The following SLC4A2 variants were observed in gnomAD, a reference collection of about 807,000 sequenced individuals.
SLC4A2 encodes the protein anion exchange protein 2.
In SLC4A2, 36 loss-of-function variants were observed where a neutral mutation model predicts 115.0. The ratio of observed to expected loss-of-function variants is 0.31; its 90% CI spans 0.24 to 0.41. The LOEUF (loss-of-function observed/expected upper bound fraction) is 0.41, where lower values mean the gene tolerates loss of function less well. SLC4A2 is among the 10% of genes least tolerant of loss of function. SLC4A2 has a pLI of 1.00. For synonymous variants in SLC4A2, 708 were observed against 708.3 expected (o/e 1.00, Z 0.01); for missense variants, 1,252 against 1,705.6 (o/e 0.73, Z 4.68).
intron 8 of SLC4A2, among the ~76,000 whole-genome samples, chr7:151,069,104 G>A (rs1047199594): frequency 2.4e-5 from 3 of 124,102 alleles, no homozygotes; most frequent in Non-Finnish European, 3.2e-5. Flanking sequence ...ATGCCATTGC[G>A]CTCCAGCCTG....
At chr7:151,070,664 G>T in intron 11 of SLC4A2, 63 bp from the exon 12 acceptor site, 1 of 1,604,398 alleles carries the variant, frequency 6.2e-7, no homozygotes, top group African/African-American at 1.3e-5. Context: ...TGCCACCCTG[G>T]GCGAGGGACT....
chr7:151,062,254 G>T (rs1039358366), intron 2 of SLC4A2, among the ~76,000 whole-genome samples: 1 of 152,192 alleles, frequency 6.6e-6, no homozygotes, highest in African/African-American at 2.4e-5. Flanking sequence ...GGGAGTTGAG[G>T]CTGTTACCTG....
rs1797160136 is a variant in SLC4A2 at position 151,064,492 on chromosome 7, G to C, written c.218-34G>C. 1.9e-6 allele frequency: 3 copies of C among 1,593,314 alleles called. No homozygotes were observed. In the African/African-American group the frequency reaches 4.0e-5, roughly 21 times the overall value. On this transcript the variant is annotated intron_variant, in intron 3 of 22. Transcript: ENST00000413384. ...CAGGATGGCAGGGGAGGGACACTGT[G>C]CCTGCCACAGCCAAGTCCCCCTCCT...
In SLC4A2 at chr7:151,075,021, A is replaced by C. The variant is rs35546983; in HGVS notation, c.3047+180A>C. 2,036 of 878,320 alleles carry C rather than the reference A, an allele frequency of 2.3e-3. 27 individuals are homozygous for C. The African/African-American group carries it at 0.027, about 12-fold the overall frequency. 54.4% of individuals were successfully genotyped at this position (878,320 alleles called of 1,614,324 possible). On this transcript the variant is annotated intron_variant, in intron 19 of 22. Coordinates refer to ENST00000413384, the MANE Select transcript of SLC4A2 (RefSeq NM_003040.4). ...AAACCCCGATGTTTGCTGGGACAGG[A>C]ACAGCACGTGGAGGGGCAGGCCACC...
At chr7:151,064,799 G>GC in intron 4 of SLC4A2, 32 bp downstream of exon 4, 1 of 1,608,602 alleles carries the variant, frequency 6.2e-7, no homozygotes, top group Non-Finnish European at 8.5e-7. Context: ...AGGGCATGTC[G>GC]GCAGGGCCCT....
intron 2 of SLC4A2, chr7:151,062,866 C>T (rs868256118): frequency 4.3e-6 from 6 of 1,384,368 alleles, no homozygotes; most frequent in East Asian, 2.9e-5. Flanking sequence ...TTCTGCCAGT[C>T]CCAGCTGCTC....
At chr7:151,067,025 A>G (rs762528149) in intron 7 of SLC4A2, 32 bp downstream of exon 7, 6 of 1,549,582 alleles carry the variant, frequency 3.9e-6, no homozygotes, top group Non-Finnish European at 5.2e-6. Flanking sequence ...TCTTCCATCA[A>G]CTTCCCACAC....
At position 151,075,246 on chromosome 7, in the gene SLC4A2, C is replaced by G. The variant is rs35662595; in HGVS notation, c.3048-9C>G. ...GCCTGGGCCTCAGCAGCACCCCTCC[C>G]GCTCTCAGGCTCATCATCTCCAAGA... On this transcript the variant is annotated splice_polypyrimidine_tract_variant and intron_variant, in intron 19 of 22. Coordinates refer to ENST00000413384, the MANE Select transcript of SLC4A2 (RefSeq NM_003040.4). 2.5e-6 allele frequency: 4 copies of G among 1,612,084 alleles called. No individual in the cohort carries two copies. Among genetic ancestry groups the G allele is most frequent in the Non-Finnish European group, 3.4e-6 (4 of 1,179,904 alleles).
At chr7:151,076,229 T>C (rs1157632867) in intron 22 of SLC4A2, 43 bp downstream of exon 22, 2 of 1,604,476 alleles carry the variant, frequency 1.2e-6, no homozygotes, top group Non-Finnish European at 1.7e-6. Context: ...CTTGCCTCCC[T>C]GTGGATCTGG....
chr7:151,063,244 C>A, intron 2 of SLC4A2: 1 of 201,540 alleles, frequency 5.0e-6, no homozygotes, highest in Non-Finnish European at 7.7e-6. Context: ...GCCCAGGGCT[C>A]GGGCCGGGGG....
Position 151,075,261 on chromosome 7 carries a change from C to T in SLC4A2, c.3054C>T (p.Ile1018=), listed in dbSNP as rs756393265. The T allele has an allele frequency of 6.2e-7, 1 of 1,612,958 alleles. No homozygotes were observed. The highest frequency in any genetic ancestry group is 2.2e-5 in the East Asian group (1 of 44,870). ...GCACCCCTCCCGCTCTCAGGCTCAT[C>T]ATCTCCAAGAAGGAGCGCATGCTGC... ...IFMETQITTL[I]ISKKERMLQK... is the part of the protein sequence containing the mutation. Residue 1018 remains isoleucine (I), a synonymous_variant, in exon 20 of 23, where the codon ATC becomes ATT. Coordinates refer to ENST00000413384, the MANE Select transcript of SLC4A2 (RefSeq NM_003040.4).
In SLC4A2 at chr7:151,069,966, G is replaced by C. The variant is rs1325559003; in HGVS notation, c.1167G>C (p.Leu389=). ...TLAHGAVLLD[L]DQQTLPGVAH... ...TGCTAGGGGCTGTGCTCTTGGATCT[G>C]GACCAGCAGACCCTGCCCGGAGTGG... is the stretch of plus-strand genomic sequence containing the variant. Residue 389 remains leucine, a synonymous_variant, in exon 9 of 23, where the codon CTG becomes CTC. Transcript: ENST00000413384. The C allele has an allele frequency of 6.2e-7, 1 of 1,614,020 alleles. No homozygotes were observed. Among genetic ancestry groups the C allele is most frequent in the East Asian group, 2.2e-5 (1 of 44,886 alleles).
chr7:151,062,576 C>A, intron 2 of SLC4A2: 6 of 1,462,046 alleles, frequency 4.1e-6, no homozygotes, highest in Non-Finnish European at 5.4e-6. Context: ...CAGAGGGGCA[C>A]GTGACTGGGA....
chr7:151,076,410 A>G lies in SLC4A2; in HGVS notation c.*43A>G, dbSNP rs1026000101. 5 of 1,423,278 alleles carry G rather than the reference A, an allele frequency of 3.5e-6. No homozygotes were observed. Among genetic ancestry groups the G allele is most frequent in the African/African-American group, 2.9e-5 (2 of 68,708 alleles). 88.2% of individuals were successfully genotyped at this position (1,423,278 alleles called of 1,614,324 possible). A position where few individuals can be genotyped will look rare whatever the true frequency, so the allele number is the denominator to read the frequency against. Reference sequence around the variant, plus strand: ...CCGAGGGACCGATGGACGAGGGGACAGGCTGGTGGGATGGGGTTCCCCCTC... The same window carrying G: ...CCGAGGGACCGATGGACGAGGGGACGGGCTGGTGGGATGGGGTTCCCCCTC... On this transcript the variant is annotated 3_prime_UTR_variant, in exon 23 of 23. Coordinates refer to ENST00000413384, the MANE Select transcript of SLC4A2 (RefSeq NM_003040.4).
In SLC4A2 at chr7:151,060,963, C is replaced by G. The variant is rs943371942; in HGVS notation, c.-63-962C>G. On this transcript the variant is annotated intron_variant, in intron 1 of 22. Transcript: ENST00000413384. This position sits in a 1 kb window ranked among gnomAD's most constrained non-coding sequence, Gnocchi z 5.9. ...ACTTTTTGCCAGTCTTGGGTGCCCC[C>G]TGTGCTGACCCGCTAGGAATGCGCC... Among the ~76,000 whole-genome samples the G allele has an allele frequency of 2.6e-5, 4 of 152,116 alleles. No individual in the cohort carries two copies. The highest frequency in any genetic ancestry group is 9.7e-5 in the African/African-American group (4 of 41,412).
intron 2 of SLC4A2, chr7:151,063,330 T>G: frequency 1.5e-6 from 1 of 662,940 alleles, no homozygotes; most frequent in Non-Finnish European, 2.3e-6. Flanking sequence ...TTTGTTTGAC[T>G]CGGACAGGCT....
rs1797409945 is a variant in SLC4A2 at position 151,070,791 on chromosome 7, G to A, written c.1629G>A (p.Leu543=). The change falls in exon 12 of 23, where the codon TTG becomes TTA. Residue 543 remains leucine, a synonymous_variant. Transcript: ENST00000413384. The stretch of plus-strand genomic sequence containing the variant: ...TGCGGCTCCGGGAGGCTGTGGAGTT[G>A]GACGCAGTGTTGGAGGTGCCGGTGC... The part of the protein sequence containing the change: ...AFVRLREAVE[L]DAVLEVPVPV... The A allele has an allele frequency of 6.2e-7, 1 of 1,614,054 alleles. No homozygotes were observed. The highest frequency in any genetic ancestry group is 8.5e-7 in the Non-Finnish European group (1 of 1,180,016).
chr7:151,075,279 C>T lies in SLC4A2; in HGVS notation c.3072C>T (p.Arg1024=). The T allele has an allele frequency of 6.2e-7, 1 of 1,613,340 alleles. No homozygotes were observed. The highest frequency in any genetic ancestry group is 8.5e-7 in the Non-Finnish European group (1 of 1,180,028). The change falls in exon 20 of 23, where the codon CGC becomes CGT. Residue 1024 remains arginine, a synonymous_variant. Coordinates refer to ENST00000413384, the MANE Select transcript of SLC4A2 (RefSeq NM_003040.4). Reference sequence around the variant, plus strand: ...GGCTCATCATCTCCAAGAAGGAGCGCATGCTGCAGAAGGGCTCCGGCTTCC... The same window carrying T: ...GGCTCATCATCTCCAAGAAGGAGCGTATGCTGCAGAAGGGCTCCGGCTTCC... ...ITTLIISKKE[R]MLQKGSGFHL...
In SLC4A2 at chr7:151,062,011, C is replaced by G; in HGVS notation, c.24C>G (p.Pro8=). The G allele has an allele frequency of 6.2e-7, 1 of 1,610,724 alleles. No homozygotes were observed. The highest frequency in any genetic ancestry group is 8.5e-7 in the Non-Finnish European group (1 of 1,179,726). Residue 8 remains proline, a synonymous_variant, in exon 2 of 23, where the codon CCC becomes CCG. Coordinates refer to ENST00000413384, the MANE Select transcript of SLC4A2 (RefSeq NM_003040.4). MSSAPRR[P]AKGADSFCTP... is the part of the protein sequence containing the mutation. ...CCATGAGCAGCGCCCCTCGGCGCCC[C>G]GCCAAGGGCGCAGATTCTTTCTGTA... is the stretch of plus-strand genomic sequence containing the variant.
Sources: gnomAD v4.1 joint callset for allele counts (sites outside exome capture counted in the v4.1 genomes callset) on GRCh38, gnomAD v4.1.1 for gene constraint, Gnocchi (gnomAD v3.1) non-coding constraint, MANE v1.5 for transcripts, NCBI Gene and HGNC (gene_info 2026-07-23, HGNC 2026-07-21) for gene names.